The following PRPF8 variants were observed in gnomAD, a reference collection of about 807,000 sequenced individuals.
PRPF8 encodes the protein pre-mRNA-processing-splicing factor 8.
A neutral mutation model predicts 285.9 loss-of-function variants in PRPF8; 64 were observed. The observed-to-expected ratio is 0.22, with a 90% CI of 0.18 to 0.28. The LOEUF is 0.28. Ranked by LOEUF, PRPF8 falls within the 10% of genes least tolerant of loss-of-function variation. The pLI is 1.00. For missense variants in PRPF8, 1,426 were observed against 3,026.7 expected (o/e 0.47, Z 12.41); for synonymous variants, 1,325 against 1,118.2 (o/e 1.18, Z -3.69).
rs761433743 is a variant in PRPF8, at chr17:1,674,618, C to A, written c.3123G>T (p.Val1041=). Residue 1041 remains valine, a synonymous_variant, in exon 21 of 43, where the codon GTG becomes GTT. Coordinates refer to ENST00000304992, the MANE Select transcript of PRPF8 (RefSeq NM_006445.4). ...AATCCATCACCAGGCCATAATACTG[C>A]ACGATGAATGAGGCAAACTGCAGGC... ...IRGLQFASFI[V]QYYGLVMDLL... is the part of the protein sequence containing the mutation. 1.2e-5 allele frequency: 20 copies of A among 1,614,010 alleles called. No individual in the cohort carries two copies. Among genetic ancestry groups the A allele is most frequent in the Non-Finnish European group, 1.7e-5 (20 of 1,180,050 alleles).
chr17:1,660,354 C>G (rs1911616712), intron 30 of PRPF8, 78 bp downstream of exon 30: 1 of 1,607,826 alleles, frequency 6.2e-7, no homozygotes, highest in Non-Finnish European at 8.5e-7. Flanking sequence ...CCTGAGCTGA[C>G]TCTGTACAGT....
rs369474035 is a variant in PRPF8, at chr17:1,679,240, T to C, written c.1410-34A>G. ...GGAACATGGAGAGTAAGAGTCAGCC[T>C]ACTGATATCTCTGGAACAGAAGTCT... On this transcript the variant is annotated intron_variant, in intron 10 of 42. Coordinates refer to ENST00000304992, the MANE Select transcript of PRPF8 (RefSeq NM_006445.4). The surrounding 1 kb of genome is among the most constrained non-coding windows in gnomAD (Gnocchi z 4.7). 82 of 1,614,116 alleles carry C rather than the reference T, an allele frequency of 5.1e-5. No homozygotes were observed. Among genetic ancestry groups the C allele is most frequent in the Admixed American group, 1.7e-5 (1 of 59,994 alleles).
Position 1,661,219 on chromosome 17 carries a change from G to A in PRPF8, c.4338+52C>T. 2 of 1,614,058 alleles carry A rather than the reference G, an allele frequency of 1.2e-6. No homozygotes were observed. The highest frequency in any genetic ancestry group is 1.1e-5 in the South Asian group (1 of 91,078). ...TGGGTGCCTATTGCCCCAAGTTTCG[G>A]GGATAGCCATGGATTTTCCTGACTC... On this transcript the variant is annotated intron_variant, in intron 27 of 42. Coordinates refer to ENST00000304992, the MANE Select transcript of PRPF8 (RefSeq NM_006445.4). This position sits in a 1 kb window ranked among gnomAD's most constrained non-coding sequence, Gnocchi z 7.3.
Position 1,682,894 on chromosome 17 carries a change from C to T in PRPF8, c.270-601G>A, listed in dbSNP as rs140086687. ...AGGGAAACCTCTGAAATTAAATACC[C>T]CAAACACAGAATTCAGGTCCCTGAG... is the stretch of plus-strand genomic sequence containing the variant. On this transcript the variant is annotated intron_variant, in intron 3 of 42. Transcript: ENST00000304992. The T allele has an allele frequency of 1.6e-3, 290 of 178,040 alleles. 3 individuals carry two copies. Among genetic ancestry groups the T allele is most frequent in the African/African-American group, 6.7e-3 (280 of 41,738 alleles). 11.0% of individuals were successfully genotyped at this position (178,040 alleles called of 1,614,324 possible).
Position 1,675,037 on chromosome 17 carries a change from T to G in PRPF8, c.3060+115A>C. ...ATCTGCCCGCCTCAGCCTCCCAAAG[T>G]GCTGGGATTACAGGCATGAGCCACC... On this transcript the variant is annotated intron_variant, in intron 20 of 42. Coordinates refer to ENST00000304992, the MANE Select transcript of PRPF8 (RefSeq NM_006445.4). This position sits in a 1 kb window ranked among gnomAD's most constrained non-coding sequence, Gnocchi z 6.0. 1 of 1,253,564 alleles carries G rather than the reference T, an allele frequency of 8.0e-7. No individual in the cohort carries two copies. Among genetic ancestry groups the G allele is most frequent in the Non-Finnish European group, 1.1e-6 (1 of 873,608 alleles). The allele number at this position is 1,253,564 out of a possible 1,614,324, so 77.7% of individuals were successfully genotyped here. A position where few individuals can be genotyped will look rare whatever the true frequency, so the allele number is the denominator to read the frequency against.
chr17:1,675,880 T>C lies in PRPF8; in HGVS notation c.2679+48A>G. 1 of 1,608,956 alleles carries C rather than the reference T, an allele frequency of 6.2e-7. No homozygotes were observed. The highest frequency in any genetic ancestry group is 8.5e-7 in the Non-Finnish European group (1 of 1,179,116). On this transcript the variant is annotated intron_variant, in intron 18 of 42. Transcript: ENST00000304992. This position sits in a 1 kb window ranked among gnomAD's most constrained non-coding sequence, Gnocchi z 6.0. ...TACCTTTGGTAGAACCAAAGGCAAC[T>C]GCTACCTTTGGTAGAACCAAAAAGA... is the stretch of plus-strand genomic sequence containing the variant.
At chr17:1,677,802 T>C (rs1567689616) in intron 13 of PRPF8, 108 bp from the exon 14 acceptor site, 24 of 1,442,394 alleles carry the variant, frequency 1.7e-5, no homozygotes, top group Admixed American at 6.8e-5. Flanking sequence ...TACAGAGGAA[T>C]GTAGGTATGG....
chr17:1,672,709 G>A (rs1437369952), intron 24 of PRPF8, among the ~76,000 whole-genome samples: 2 of 152,126 alleles, frequency 1.3e-5, no homozygotes, highest in Middle Eastern at 3.2e-3. Context: ...AACGAACCCC[G>A]AGATGCCTAT....
At position 1,676,977 on chromosome 17, in the gene PRPF8, T is replaced by C; in HGVS notation, c.2180A>G (p.Lys727Arg). 1 of 1,613,758 alleles carries C rather than the reference T, an allele frequency of 6.2e-7. No homozygotes were observed. Among genetic ancestry groups the C allele is most frequent in the Non-Finnish European group, 8.5e-7 (1 of 1,180,028 alleles). Reference protein sequence around the residue: ...WRCWKANIPWKVPGLPTPIEN... With the variant: ...WRCWKANIPWRVPGLPTPIEN... ...CCAAGGAAATAAAGAGACACCCACC[T>C]TCCAGGGAATGTTGGCTTTCCAGCA... Residue 727 changes from lysine (K) to arginine (R), a missense_variant and splice_region_variant, in exon 15 of 43, where the codon AAG becomes AGG. Coordinates refer to ENST00000304992, the MANE Select transcript of PRPF8 (RefSeq NM_006445.4). This position sits in a 1 kb window ranked among gnomAD's most constrained non-coding sequence, Gnocchi z 6.3.
chr17:1,680,765 G>T lies in PRPF8; in HGVS notation c.1059C>A (p.Asp353Glu). Residue 353 changes from aspartate (D) to glutamate (E), a missense_variant, in exon 8 of 43, where the codon GAC becomes GAA. Transcript: ENST00000304992. ...TATGGGAGATTGGGTTGATCAAAGG[G>T]TCAAAGTAGAAAGCTGGCAAGTCAG... ...EDPDLPAFYF[D>E]PLINPISHRH... The T allele has an allele frequency of 6.2e-7, 1 of 1,614,068 alleles. No homozygotes were observed. The highest frequency in any genetic ancestry group is 8.5e-7 in the Non-Finnish European group (1 of 1,179,984).
intron 24 of PRPF8, among the ~76,000 whole-genome samples, chr17:1,667,093 A>C (rs1213081626): frequency 2.0e-5 from 3 of 152,138 alleles, no homozygotes; most frequent in Admixed American, 6.6e-5. Context: ...GAATTACTTA[A>C]ACCCGGGAGG....
intron 24 of PRPF8, among the ~76,000 whole-genome samples, chr17:1,671,866 A>G (rs1374073290): frequency 6.6e-6 from 1 of 150,986 alleles, no homozygotes; most frequent in African/African-American, 2.4e-5. Flanking sequence ...AAAAAAAAAA[A>G]AAAAAAAAAT....
rs1179250651 is a variant in PRPF8, at chr17:1,653,095, T to G, written c.6369+447A>C. 1.0e-5 allele frequency: 3 copies of G among 293,994 alleles called. No homozygotes were observed. Among genetic ancestry groups the G allele is most frequent in the Admixed American group, 9.4e-5 (2 of 21,346 alleles). 18.2% of individuals were successfully genotyped at this position (293,994 alleles called of 1,614,324 possible). ...CTGCAACTACGGGCGCATGCCACCA[T>G]GCCTGGCTAATTTTTTGTATTTTTA... On this transcript the variant is annotated intron_variant, in intron 39 of 42. Transcript: ENST00000304992. The surrounding 1 kb of genome is among the most constrained non-coding windows in gnomAD (Gnocchi z 4.9).
In PRPF8 at chr17:1,684,464, C is replaced by G. The variant is rs778160043; in HGVS notation, c.100+8G>C. The G allele has an allele frequency of 5.0e-6, 8 of 1,612,570 alleles. No homozygotes were observed. The South Asian group carries it at 8.8e-5, about 18-fold the overall frequency. ...CGGCCCGCGCGCCGCTCCACACTCTCGCCTCACCTTTCTCCTGCAGCTTCT... is the reference window on the plus strand; with the variant it reads ...CGGCCCGCGCGCCGCTCCACACTCTGGCCTCACCTTTCTCCTGCAGCTTCT... On this transcript the variant is annotated splice_region_variant and intron_variant, in intron 2 of 42. Coordinates refer to ENST00000304992, the MANE Select transcript of PRPF8 (RefSeq NM_006445.4).
chr17:1,673,734 A>C lies in PRPF8; in HGVS notation c.3446+12T>G. ...TGTCCTTCCAGCTCACACAGCCCCA[A>C]CCTAGACTCACAAGTTAACATCATG... On this transcript the variant is annotated intron_variant, in intron 22 of 42. Transcript: ENST00000304992. The surrounding 1 kb of genome is among the most constrained non-coding windows in gnomAD (Gnocchi z 5.5). 1.2e-6 allele frequency: 2 copies of C among 1,613,376 alleles called. No homozygotes were observed. Among genetic ancestry groups the C allele is most frequent in the Non-Finnish European group, 1.7e-6 (2 of 1,179,870 alleles).
rs569645589 is a variant in PRPF8 at position 1,673,217 on chromosome 17, T to C, written c.3658-20A>G. 9 of 1,613,194 alleles carry C rather than the reference T, an allele frequency of 5.6e-6. No homozygotes were observed. The East Asian group carries it at 2.0e-4, about 36-fold the overall frequency. On this transcript the variant is annotated intron_variant, in intron 23 of 42. Transcript: ENST00000304992. This position sits in a 1 kb window ranked among gnomAD's most constrained non-coding sequence, Gnocchi z 5.5. ...AGTAACCTAAACCACAAAGTCAAGG[T>C]TAACATGTCCGAGGAACTCCCACAG...
intron 30 of PRPF8, 67 bp from the exon 31 acceptor site, chr17:1,660,068 T>A (rs901022247): frequency 6.5e-7 from 1 of 1,539,302 alleles, no homozygotes; most frequent in Admixed American, 1.7e-5. Context: ...GTTTGTACAA[T>A]AAGATAATGA....
chr17:1,675,472 G>A lies in PRPF8; in HGVS notation c.2873-133C>T. The A allele has an allele frequency of 6.9e-7, 1 of 1,443,192 alleles. No individual in the cohort carries two copies. The allele number at this position is 1,443,192 out of a possible 1,614,324, so 89.4% of individuals were successfully genotyped here. On this transcript the variant is annotated intron_variant, in intron 19 of 42. Transcript: ENST00000304992. The surrounding 1 kb of genome is among the most constrained non-coding windows in gnomAD (Gnocchi z 6.0). ...TATTCATTTGGATTGCTTTGACTAT[G>A]GGCTTTTCCTCAGTTTAACACGAAC...
In PRPF8 at chr17:1,673,210, G is replaced by C; in HGVS notation, c.3658-13C>G. ...GCTCCTTAGTAACCTAAACCACAAA[G>C]TCAAGGTTAACATGTCCGAGGAACT... On this transcript the variant is annotated splice_polypyrimidine_tract_variant and intron_variant, in intron 23 of 42. Transcript: ENST00000304992. The surrounding 1 kb of genome is among the most constrained non-coding windows in gnomAD (Gnocchi z 5.5). The C allele has an allele frequency of 6.2e-7, 1 of 1,613,576 alleles. No homozygotes were observed. Among genetic ancestry groups the C allele is most frequent in the South Asian group, 1.1e-5 (1 of 91,078 alleles).
Sources: gnomAD v4.1 joint callset for allele counts (sites outside exome capture counted in the v4.1 genomes callset) on GRCh38, gnomAD v4.1.1 for gene constraint, Gnocchi (gnomAD v3.1) non-coding constraint, MANE v1.5 for transcripts, NCBI Gene and HGNC (gene_info 2026-07-23, HGNC 2026-07-21) for gene names.